Variants in WDR27 observed in about 807,000 individuals in gnomAD.
The protein encoded by WDR27 is WD repeat-containing protein 27.
WDR27 carries 100 observed loss-of-function variants against 114.4 expected under a neutral mutation model. That is an observed-to-expected ratio of 0.87 (90% confidence interval 0.74 to 1.03). The LOEUF (loss-of-function observed/expected upper bound fraction) is 1.03, where lower values mean the gene tolerates loss of function less well. Among genes scored for constraint, WDR27 ranks in the 50% least tolerant of loss-of-function variants. The pLI is 0.00. For synonymous variants in WDR27, 449 were observed against 423.1 expected, an observed-to-expected ratio of 1.06 and a Z score of -0.75; for missense variants, 1,129 against 1,092.9, an observed-to-expected ratio of 1.03 and a Z score of -0.47.
chr6:169,476,317 T>A (rs150021354), intron 25 of WDR27, among the ~76,000 whole-genome samples: 1 of 152,332 alleles, frequency 6.6e-6, no homozygotes, highest in East Asian at 1.9e-4. Flanking sequence ...CTCCTTGCTC[T>A]CCCAGGGTCG....
chr6:169,468,078 C>G (rs1785845444), intron 25 of WDR27, among the ~76,000 whole-genome samples: 1 of 152,208 alleles, frequency 6.6e-6, no homozygotes, highest in African/African-American at 2.4e-5. Flanking sequence ...CAAAATGCTG[C>G]CCATCTCTTT....
chr6:169,666,577 C>T (rs935033495), intron 6 of WDR27: 17 of 985,390 alleles, frequency 1.7e-5, no homozygotes, highest in Middle Eastern at 5.2e-4. Flanking sequence ...CGTCACAGAC[C>T]GCTCCTTATG....
intron 13 of WDR27, among the ~76,000 whole-genome samples, chr6:169,656,508 G>C (rs190830378): frequency 6.6e-6 from 1 of 152,100 alleles, no homozygotes; most frequent in Non-Finnish European, 1.5e-5. Flanking sequence ...GAGACCAGGC[G>C]GGGTGGGGGG....
chr6:169,688,856 A>C lies in WDR27; in HGVS notation c.150T>G (p.Thr50=). 1 of 1,613,026 alleles carries C rather than the reference A, an allele frequency of 6.2e-7. No homozygotes were observed. Among genetic ancestry groups the C allele is most frequent in the South Asian group, 1.1e-5 (1 of 90,786 alleles). The change falls in exon 2 of 26, where the codon ACT becomes ACG. Residue 50 remains threonine, a synonymous_variant. Coordinates refer to ENST00000448612, the MANE Select transcript of WDR27 (RefSeq NM_182552.5). ...MQDCAFPLDG[T]ELCIWNTKDP... ...CCTTAGTGTTCCATATACAAAGTTCAGTTCCATCCAAAGGGAAAGCACAGT... is the reference window on the plus strand; with the variant it reads ...CCTTAGTGTTCCATATACAAAGTTCCGTTCCATCCAAAGGGAAAGCACAGT...
Position 169,664,575 on chromosome 6 carries a change from C to T in WDR27, c.784-289G>A, listed in dbSNP as rs1827249839. 3.1e-6 allele frequency: 4 copies of T among 1,290,596 alleles called. 1 individual carries two copies. In the East Asian group the frequency reaches 1.6e-4, roughly 51 times the overall value. The allele number at this position is 1,290,596 out of a possible 1,614,324, so 79.9% of individuals were successfully genotyped here. On this transcript the variant is annotated intron_variant, in intron 7 of 25. Transcript: ENST00000448612. The stretch of plus-strand genomic sequence containing the variant: ...AAGATGCTCCTCTGGGAACCCCAGG[C>T]CCCAGGCTCTCTGCACACACCCCAC...
At chr6:169,484,873 A>T (rs1410479523) in intron 25 of WDR27, among the ~76,000 whole-genome samples, 2 of 152,160 alleles carry the variant, frequency 1.3e-5, no homozygotes, top group Non-Finnish European at 2.9e-5. Flanking sequence ...CCACACACCT[A>T]TGACCATCTG....
chr6:169,625,665 C>T (rs987621932), intron 21 of WDR27, among the ~76,000 whole-genome samples: 19 of 152,318 alleles, frequency 1.2e-4, no homozygotes, highest in East Asian at 3.9e-4. Context: ...CAGGTGCAGT[C>T]GGGAAACCAG....
chr6:169,670,312 A>G (rs1473432494), intron 4 of WDR27: 3 of 320,666 alleles, frequency 9.4e-6, no homozygotes, highest in East Asian at 5.9e-5. Context: ...TTTGCAGAAC[A>G]TGTTTCTCTA....
intron 25 of WDR27, among the ~76,000 whole-genome samples, chr6:169,545,517 C>G (rs946708023): frequency 6.6e-6 from 1 of 151,972 alleles, no homozygotes; most frequent in Non-Finnish European, 1.5e-5. Context: ...CCCATCTCTA[C>G]GTAAAAATAC....
At chr6:169,697,108 GAT>G (rs1165465611) in intron 1 of WDR27, among the ~76,000 whole-genome samples, 3 of 152,170 alleles carry the variant, frequency 2.0e-5, no homozygotes, top group Non-Finnish European at 4.4e-5. Context: ...ATAGATCTTA[GAT>G]ATGATTACAT....
chr6:169,596,844 A>T (rs949178702), intron 23 of WDR27, among the ~76,000 whole-genome samples: 3 of 152,154 alleles, frequency 2.0e-5, no homozygotes, highest in Non-Finnish European at 4.4e-5. Flanking sequence ...TGTCATGATC[A>T]TCAATAATCT....
chr6:169,465,183 G>A (rs570549802), intron 25 of WDR27, among the ~76,000 whole-genome samples: 3 of 150,820 alleles, frequency 2.0e-5, no homozygotes, highest in South Asian at 2.1e-4. Context: ...ACTTGAACCT[G>A]GGAGGTGGAG....
intron 24 of WDR27, among the ~76,000 whole-genome samples, chr6:169,579,817 C>T (rs1366036315): frequency 2.0e-5 from 3 of 152,244 alleles, no homozygotes; most frequent in African/African-American, 7.2e-5. Flanking sequence ...TTCTGCTACA[C>T]ACTTTGCTCG....
intron 16 of WDR27, among the ~76,000 whole-genome samples, chr6:169,644,912 G>C: frequency 9.9e-6 from 1 of 100,640 alleles, no homozygotes; most frequent in Non-Finnish European, 1.8e-5. Context: ...GGGAGGCTGA[G>C]GCAGGAGAAT....
chr6:169,568,861 T>C (rs1357262170), intron 25 of WDR27, among the ~76,000 whole-genome samples: 1 of 152,190 alleles, frequency 6.6e-6, no homozygotes, highest in Non-Finnish European at 1.5e-5. Context: ...TGTTCTTTCA[T>C]TTCATGCCCC....
intron 7 of WDR27, 71 bp from the exon 8 acceptor site, chr6:169,664,357 G>T (rs1231120801): frequency 6.2e-7 from 1 of 1,606,168 alleles, no homozygotes; most frequent in Non-Finnish European, 8.5e-7. Flanking sequence ...CAACACCAGA[G>T]GTGGAGCAGG....
At chr6:169,529,913 T>C (rs1299998505) in intron 25 of WDR27, among the ~76,000 whole-genome samples, 1 of 152,184 alleles carries the variant, frequency 6.6e-6, no homozygotes, top group Non-Finnish European at 1.5e-5. Flanking sequence ...CTAGAAATAA[T>C]AGAATTAGAT....
the WDR27 span, among the ~76,000 whole-genome samples, chr6:169,432,521 A>C: frequency 6.6e-6 from 1 of 152,312 alleles, no homozygotes; most frequent in East Asian, 1.9e-4. Flanking sequence ...GTGGTAATGA[A>C]TAAGTCCTAC....
intron 25 of WDR27, among the ~76,000 whole-genome samples, chr6:169,466,072 C>A (rs1785540325): frequency 6.6e-6 from 1 of 152,162 alleles, no homozygotes; most frequent in Admixed American, 6.5e-5. Context: ...ATTTCTATAA[C>A]TTCTTACTAT....
Sources: gnomAD v4.1 joint callset for allele counts (sites outside exome capture counted in the v4.1 genomes callset) on GRCh38, gnomAD v4.1.1 for gene constraint, MANE v1.5 for transcripts, NCBI Gene and HGNC (gene_info 2026-07-23, HGNC 2026-07-21) for gene names.